The following TBCA variants were observed in gnomAD, a reference collection of about 807,000 sequenced individuals.
TBCA encodes the protein tubulin folding cofactor A.
Under a neutral mutation model 15.8 loss-of-function variants are expected in TBCA, and 6 were observed. That is an observed-to-expected ratio of 0.38 (90% CI 0.21 to 0.75). TBCA has a LOEUF of 0.75. TBCA is among the 30% of genes least tolerant of loss of function. The probability of loss-of-function intolerance (pLI) is 0.46; values close to 1 mark genes in which losing one functional copy is unlikely to be tolerated. For synonymous variants in TBCA, 32 were observed against 42.3 expected, an observed-to-expected ratio of 0.76 and a Z score of 0.94; for missense variants, 90 against 131.2, an observed-to-expected ratio of 0.69 and a Z score of 1.53.
At chr5:77,703,636 G>A (rs1424268258) in intron 2 of TBCA, among the ~76,000 whole-genome samples, 1 of 152,088 alleles carries the variant, frequency 6.6e-6, no homozygotes, top group Non-Finnish European at 1.5e-5. Context: ...GAGTACAGTG[G>A]CATGATCACG....
chr5:77,736,524 G>A (rs1383103863), intron 1 of TBCA, among the ~76,000 whole-genome samples: 1 of 152,088 alleles, frequency 6.6e-6, no homozygotes, highest in African/African-American at 2.4e-5. Flanking sequence ...AAACCTCTGC[G>A]TGTATTTCTC....
In TBCA at chr5:77,708,349, T is replaced by A. The variant is rs1746196878; in HGVS notation, c.54-2A>T. On this transcript the variant is annotated splice_acceptor_variant, in intron 1 of 3. Coordinates refer to ENST00000380377, the MANE Select transcript of TBCA (RefSeq NM_004607.3). LOFTEE classifies it high-confidence loss of function. ...TACATCACTTTTTCTTTGACCAACC[T>A]ATAAAAAAGCCAAAAATGTTTTAGA... 6.3e-7 allele frequency: 1 copy of A among 1,594,718 alleles called. No homozygotes were observed. Among genetic ancestry groups the A allele is most frequent in the Admixed American group, 1.7e-5 (1 of 58,894 alleles).
chr5:77,769,618 T>C (rs183537266), intron 1 of TBCA, among the ~76,000 whole-genome samples: 2 of 152,078 alleles, frequency 1.3e-5, no homozygotes, highest in East Asian at 3.9e-4. Context: ...AGGATGTAGA[T>C]ATAAACAAAC....
chr5:77,768,524 T>C (rs1035014697), intron 1 of TBCA, among the ~76,000 whole-genome samples: 1 of 152,216 alleles, frequency 6.6e-6, no homozygotes, highest in African/African-American at 2.4e-5. Context: ...TGCTGTAATA[T>C]AGTAATTGAT....
intron 1 of TBCA, among the ~76,000 whole-genome samples, chr5:77,753,162 A>T (rs1747392985): frequency 6.6e-6 from 1 of 152,226 alleles, no homozygotes; most frequent in African/African-American, 2.4e-5. Context: ...TGAGGTTTTA[A>T]TTTAACAAAA....
chr5:77,696,714 T>C (rs1485668508), intron 2 of TBCA, among the ~76,000 whole-genome samples: 4 of 152,102 alleles, frequency 2.6e-5, no homozygotes, highest in African/African-American at 9.7e-5. Flanking sequence ...TTGAGGCCAG[T>C]AGTTTGCGAC....
chr5:77,776,091 G>C (rs1363128868), intron 1 of TBCA, 114 bp downstream of exon 1: 4 of 1,339,668 alleles, frequency 3.0e-6, no homozygotes, highest in Non-Finnish European at 4.1e-6. Context: ...CCCCGGGTGC[G>C]GCCTGGAGTT....
intron 1 of TBCA, among the ~76,000 whole-genome samples, chr5:77,708,999 T>TAA (rs201697246): frequency 4.1e-5 from 6 of 146,320 alleles, no homozygotes; most frequent in Middle Eastern, 3.2e-3. Flanking sequence ...TTTTTTTTTT[T>TAA]AAATATGTCT....
chr5:77,694,391 T>C (rs1580087543), intron 2 of TBCA: 1 of 152,286 alleles, frequency 6.6e-6, no homozygotes, highest in African/African-American at 2.4e-5. Context: ...GAAATATGTA[T>C]TCTAGAGGAT....
At chr5:77,760,563 C>T (rs1344141792) in intron 1 of TBCA, among the ~76,000 whole-genome samples, 4 of 152,146 alleles carry the variant, frequency 2.6e-5, no homozygotes, top group Non-Finnish European at 5.9e-5. Flanking sequence ...CCTAGGATTA[C>T]AGGCACGCGC....
intron 1 of TBCA, among the ~76,000 whole-genome samples, chr5:77,762,314 G>A (rs956387951): frequency 2.4e-4 from 37 of 152,286 alleles, no homozygotes; most frequent in African/African-American, 8.4e-4. Flanking sequence ...TCTACTTAAT[G>A]TAATACTAAA....
intron 1 of TBCA, among the ~76,000 whole-genome samples, chr5:77,744,755 C>T (rs1181623899): frequency 6.6e-6 from 1 of 151,958 alleles, no homozygotes. Context: ...AGGCTGGTCT[C>T]GAACTCCTGA....
chr5:77,752,245 G>C (rs540725744), intron 1 of TBCA, among the ~76,000 whole-genome samples: 2 of 152,224 alleles, frequency 1.3e-5, no homozygotes, highest in African/African-American at 4.8e-5. Context: ...TGGTTTAATA[G>C]TTACTTGGTT....
At chr5:77,739,019 T>C (rs1746973259) in intron 1 of TBCA, among the ~76,000 whole-genome samples, 1 of 152,156 alleles carries the variant, frequency 6.6e-6, no homozygotes, top group African/African-American at 2.4e-5. Flanking sequence ...AGAATAGAAA[T>C]CGAATTAGAA....
chr5:77,710,978 A>G (rs2112442392), intron 1 of TBCA, among the ~76,000 whole-genome samples: 1 of 152,294 alleles, frequency 6.6e-6, no homozygotes, highest in East Asian at 1.9e-4. Context: ...CTGGAATTGG[A>G]TAGGCTATTA....
At chr5:77,763,532 ACG>A (rs1356384722) in intron 1 of TBCA, among the ~76,000 whole-genome samples, 1 of 152,200 alleles carries the variant, frequency 6.6e-6, no homozygotes, top group Non-Finnish European at 1.5e-5. Flanking sequence ...GTTCAATGTA[ACG>A]CTATTAGGAG....
Position 77,757,183 on chromosome 5 carries a change from GAAC to G in TBCA, c.53+19019_53+19021del, listed in dbSNP as rs369268488. ...GTCAAATCTGATGGGACAAAGACCAGAACAACAACAACAACAAAAAATCCAACA... is the reference window on the plus strand; with the variant it reads ...GTCAAATCTGATGGGACAAAGACCAGAACAACAACAACAAAAAATCCAACA... On this transcript the variant is annotated intron_variant, in intron 1 of 3. Coordinates refer to ENST00000380377, the MANE Select transcript of TBCA (RefSeq NM_004607.3). 2.6e-3 allele frequency among the ~76,000 whole-genome samples: 390 copies of G among 152,092 alleles called. 2 individuals carry two copies. The highest frequency in any genetic ancestry group is 8.8e-3 in the African/African-American group (363 of 41,482).
intron 3 of TBCA, chr5:77,692,843 C>A: frequency 1.8e-6 from 2 of 1,097,920 alleles, no homozygotes; most frequent in South Asian, 2.8e-5. Flanking sequence ...TCAAACTGAT[C>A]TAGGTTTGAA....
chr5:77,760,447 C>A (rs1747590040), intron 1 of TBCA, among the ~76,000 whole-genome samples: 1 of 151,944 alleles, frequency 6.6e-6, no homozygotes, highest in African/African-American at 2.4e-5. Flanking sequence ...TTTCTTTCGA[C>A]AGTCTCCCTC....
Sources: gnomAD v4.1 joint callset for allele counts (sites outside exome capture counted in the v4.1 genomes callset) on GRCh38, gnomAD v4.1.1 for gene constraint, MANE v1.5 for transcripts, NCBI Gene and HGNC (gene_info 2026-07-23, HGNC 2026-07-21) for gene names.